TNFRSF6B: variants seen among roughly 807,000 people sequenced by gnomAD.
The protein encoded by TNFRSF6B is TNF receptor superfamily member 6b, also known as tumor necrosis factor receptor superfamily member 6B.
Under a neutral mutation model 17.9 loss-of-function variants are expected in TNFRSF6B, and 23 were observed. That is an observed-to-expected ratio of 1.28 (90% confidence interval 0.92 to 1.82). The LOEUF is 1.82. Ranked by LOEUF, TNFRSF6B falls within the 40% of genes most tolerant of loss-of-function variation. The pLI, the probability that TNFRSF6B is intolerant of heterozygous loss-of-function variation, is 0.00. For missense variants in TNFRSF6B, 555 were observed against 437.2 expected (o/e 1.27, Z -2.40); for synonymous variants, 291 against 195.8 (o/e 1.49, Z -4.06).
At chr20:63,698,255 C>T in intron 2 of TNFRSF6B, 25 bp from the exon 3 acceptor site, 4 of 1,607,052 alleles carry the variant, frequency 2.5e-6, no homozygotes, top group East Asian at 2.3e-5. Flanking sequence ...AATGATCGGA[C>T]CGCTGCCTCC....
rs765591449 is a variant in TNFRSF6B at position 63,696,756 on chromosome 20, C to T, written c.-12C>T. 1.3e-5 allele frequency: 21 copies of T among 1,559,972 alleles called. No individual in the cohort carries two copies. The Admixed American group carries it at 3.7e-4, about 27-fold the overall frequency. On this transcript the variant is annotated 5_prime_UTR_variant, in exon 1 of 3. Coordinates refer to ENST00000369996, the MANE Select transcript of TNFRSF6B (RefSeq NM_003823.4). ...CGCGCTGAGCCGCGCTCTCCCTGCTCCAGCAAGGACCATGAGGGCGCTGGA... is the reference window on the plus strand; with the variant it reads ...CGCGCTGAGCCGCGCTCTCCCTGCTTCAGCAAGGACCATGAGGGCGCTGGA...
In TNFRSF6B at chr20:63,696,878, C is replaced by A; in HGVS notation, c.111C>A (p.Pro37=). The change falls in exon 1 of 3, where the codon CCC becomes CCA. Residue 37 remains proline, a synonymous_variant. Coordinates refer to ENST00000369996, the MANE Select transcript of TNFRSF6B (RefSeq NM_003823.4). ...VRGVAETPTY[P]WRDAETGERL... is the part of the protein sequence containing the mutation. ...GAGTGGCAGAAACACCCACCTACCCCTGGCGGGACGCAGAGACAGGGGAGC... is the reference window on the plus strand; with the variant it reads ...GAGTGGCAGAAACACCCACCTACCCATGGCGGGACGCAGAGACAGGGGAGC... 1 of 1,611,864 alleles carries A rather than the reference C, an allele frequency of 6.2e-7. No individual in the cohort carries two copies. Among genetic ancestry groups the A allele is most frequent in the East Asian group, 2.2e-5 (1 of 44,860 alleles).
At position 63,698,578 on chromosome 20, in the gene TNFRSF6B, T is replaced by TA. The variant is rs1385826424; in HGVS notation, c.*16dup. The TA allele has an allele frequency of 4.1e-6, 6 of 1,474,450 alleles. No individual in the cohort carries two copies. Among genetic ancestry groups the TA allele is most frequent in the Non-Finnish European group, 5.4e-6 (6 of 1,117,262 alleles). 91.3% of individuals were successfully genotyped at this position (1,474,450 alleles called of 1,614,324 possible). A position where few individuals can be genotyped will look rare whatever the true frequency, so the allele number is the denominator to read the frequency against. ...CTGTGCACTGATCCTGGCCCCCTCT[T>TA]ATTTATTCTACATCCTTGGCACCCC... On this transcript the variant is annotated 3_prime_UTR_variant, in exon 3 of 3. Transcript: ENST00000369996.
chr20:63,697,095 A>G lies in TNFRSF6B; in HGVS notation c.328A>G (p.Asn110Asp), dbSNP rs2090997982. The G allele has an allele frequency of 3.1e-6, 5 of 1,600,702 alleles. No homozygotes were observed. Among genetic ancestry groups the G allele is most frequent in the Admixed American group, 1.7e-5 (1 of 59,026 alleles). Residue 110 changes from asparagine (N) to aspartate (D), a missense_variant, in exon 1 of 3, where the codon AAC becomes GAC. By Grantham distance (23) the Asn-to-Asp change is conservative (BLOSUM62 1). Transcript: ENST00000369996. ...GGCACGGGCTTGCCACGCCACCCAC[A>G]ACCGTGCCTGCCGCTGCCGCACCGG... ...EEARACHATH[N>D]RACRCRTGFF...
chr20:63,697,197 AGCTGGGCGAGGG>A lies in TNFRSF6B; in HGVS notation c.424+8_424+19del. On this transcript the variant is annotated splice_region_variant and intron_variant, in intron 1 of 2. Coordinates refer to ENST00000369996, the MANE Select transcript of TNFRSF6B (RefSeq NM_003823.4). The stretch of plus-strand genomic sequence containing the variant: ...TGCCGGCGTGATTGCCCCGGGTGAG[AGCTGGGCGAGGG>A]GAGGGGCCCCCAGGAGTGGTGGCCG... The A allele has an allele frequency of 3.2e-6, 5 of 1,555,578 alleles. No homozygotes were observed. Among genetic ancestry groups the A allele is most frequent in the Non-Finnish European group, 4.4e-6 (5 of 1,148,548 alleles).
At chr20:63,697,222 G>T (rs1366557811) in intron 1 of TNFRSF6B, 31 bp downstream of exon 1, 3 of 1,552,354 alleles carry the variant, frequency 1.9e-6, no homozygotes, top group Non-Finnish European at 2.6e-6. Context: ...GGGGCCCCCA[G>T]GAGTGGTGGC....
intron 1 of TNFRSF6B, 64 bp from the exon 2 acceptor site, chr20:63,697,264 C>A: frequency 6.4e-7 from 1 of 1,558,820 alleles, no homozygotes; most frequent in East Asian, 2.4e-5. Flanking sequence ...GTTGCTGGTC[C>A]CAGCCTTGCA....
Position 63,696,922 on chromosome 20 carries a change from G to A in TNFRSF6B, c.155G>A (p.Cys52Tyr), listed in dbSNP as rs2090993746. The A allele has an allele frequency of 6.8e-6, 11 of 1,610,158 alleles. No individual in the cohort carries two copies. The highest frequency in any genetic ancestry group is 9.3e-6 in the Non-Finnish European group (11 of 1,178,932). ...ETGERLVCAQCPPGTFVQRPC... is the reference protein window; with the variant it reads ...ETGERLVCAQYPPGTFVQRPC... ...GGGGAGCGGCTGGTGTGCGCCCAGT[G>A]CCCCCCAGGCACCTTTGTGCAGCGG... is the stretch of plus-strand genomic sequence containing the variant. Residue 52 changes from cysteine to tyrosine, a missense_variant, in exon 1 of 3, where the codon TGC becomes TAC. Cys to Tyr is a radical substitution (Grantham distance 194). Coordinates refer to ENST00000369996, the MANE Select transcript of TNFRSF6B (RefSeq NM_003823.4).
rs765068318 is a variant in TNFRSF6B at position 63,697,077 on chromosome 20, G to A, written c.310G>A (p.Ala104Thr). The change falls in exon 1 of 3, where the codon GCT (alanine) becomes ACT (threonine). Residue 104 changes from alanine to threonine, a missense_variant. Physicochemically the swap from Ala to Thr is moderately conservative, Grantham distance 58. Transcript: ENST00000369996. ...LCGEREEEAR[A>T]CHATHNRACR... The stretch of plus-strand genomic sequence containing the variant: ...CGGGGAGCGTGAGGAGGAGGCACGG[G>A]CTTGCCACGCCACCCACAACCGTGC... 1 of 1,604,722 alleles carries A rather than the reference G, an allele frequency of 6.2e-7. No homozygotes were observed. The highest frequency in any genetic ancestry group is 1.1e-5 in the South Asian group (1 of 90,638).
Position 63,698,657 on chromosome 20 carries a change from CTTATT to C in TNFRSF6B, c.*97_*101del, listed in dbSNP as rs1310082287. On this transcript the variant is annotated 3_prime_UTR_variant, in exon 3 of 3. Transcript: ENST00000369996. ...ATAGAAGAAATGAGGTTTCTTAAAG[CTTATT>C]TTTATAAAGCTTTTTCATAAAACTG... The C allele has an allele frequency of 4.5e-6, 6 of 1,319,344 alleles. No individual in the cohort carries two copies. The highest frequency in any genetic ancestry group is 5.9e-6 in the Non-Finnish European group (6 of 1,015,506). 81.7% of individuals were successfully genotyped at this position (1,319,344 alleles called of 1,614,324 possible).
At position 63,697,476 on chromosome 20, in the gene TNFRSF6B, C is replaced by T; in HGVS notation, c.573C>T (p.Thr191=). The change falls in exon 2 of 3, where the codon ACC becomes ACT. Residue 191 remains threonine (T), a synonymous_variant. Coordinates refer to ENST00000369996, the MANE Select transcript of TNFRSF6B (RefSeq NM_003823.4). ...TGCCAGGCTCTTCCTCCCATGACAC[C>T]CTGTGCACCAGCTGCACTGGCTTCC... ...LNVPGSSSHD[T]LCTSCTGFPL... The T allele has an allele frequency of 6.3e-7, 1 of 1,577,844 alleles. No individual in the cohort carries two copies. Among genetic ancestry groups the T allele is most frequent in the Non-Finnish European group, 8.6e-7 (1 of 1,162,224 alleles).
chr20:63,696,775 C>T lies in TNFRSF6B; in HGVS notation c.8C>T (p.Ala3Val), dbSNP rs781657376. Reference protein sequence around the residue: MRALEGPGLSLLC... With the variant: MRVLEGPGLSLLC... ...CCTGCTCCAGCAAGGACCATGAGGGCGCTGGAGGGGCCAGGCCTGTCGCTG... is the reference window on the plus strand; with the variant it reads ...CCTGCTCCAGCAAGGACCATGAGGGTGCTGGAGGGGCCAGGCCTGTCGCTG... The change falls in exon 1 of 3, where the codon GCG becomes GTG. Residue 3 changes from alanine (A) to valine (V), a missense_variant. Coordinates refer to ENST00000369996, the MANE Select transcript of TNFRSF6B (RefSeq NM_003823.4). 84 of 1,587,806 alleles carry T rather than the reference C, an allele frequency of 5.3e-5. No homozygotes were observed. Among genetic ancestry groups the T allele is most frequent in the Non-Finnish European group, 6.5e-5 (76 of 1,166,408 alleles).
intron 2 of TNFRSF6B, among the ~76,000 whole-genome samples, chr20:63,697,900 T>G (rs1238715206): frequency 1.3e-5 from 2 of 152,116 alleles, no homozygotes; most frequent in African/African-American, 4.8e-5. Flanking sequence ...CGAGGCCCAA[T>G]GTTAACCACT....
rs758768117 is a variant in TNFRSF6B at position 63,698,572 on chromosome 20, C to T, written c.*9C>T. On this transcript the variant is annotated 3_prime_UTR_variant, in exon 3 of 3. Coordinates refer to ENST00000369996, the MANE Select transcript of TNFRSF6B (RefSeq NM_003823.4). ...TCCTCCCTGTGCACTGATCCTGGCC[C>T]CCTCTTATTTATTCTACATCCTTGG... 6.8e-6 allele frequency: 10 copies of T among 1,480,452 alleles called. No individual in the cohort carries two copies. In the Admixed American group the frequency reaches 1.3e-4, roughly 20 times the overall value. The allele number at this position is 1,480,452 out of a possible 1,614,324, so 91.7% of individuals were successfully genotyped here.
rs781260690 is a variant in TNFRSF6B, at chr20:63,696,979, G to A, written c.212G>A (p.Gly71Asp). ...CGCCGAGACAGCCCCACGACGTGTGGCCCGTGTCCACCGCGCCACTACACG... is the reference window on the plus strand; with the variant it reads ...CGCCGAGACAGCCCCACGACGTGTGACCCGTGTCCACCGCGCCACTACACG... ...PCRRDSPTTC[G>D]PCPPRHYTQF... The change falls in exon 1 of 3, where the codon GGC (glycine) becomes GAC (aspartate). Residue 71 changes from glycine (G) to aspartate (D), a missense_variant. Transcript: ENST00000369996. 5.6e-6 allele frequency: 9 copies of A among 1,609,262 alleles called. No individual in the cohort carries two copies. Among genetic ancestry groups the A allele is most frequent in the African/African-American group, 4.0e-5 (3 of 74,798 alleles).
rs1231926199 is a variant in TNFRSF6B at position 63,697,152 on chromosome 20, C to T, written c.385C>T (p.His129Tyr). Residue 129 changes from histidine to tyrosine, a missense_variant, in exon 1 of 3, where the codon CAC (histidine) becomes TAC (tyrosine). Coordinates refer to ENST00000369996, the MANE Select transcript of TNFRSF6B (RefSeq NM_003823.4). ...CGCGCACGCTGGTTTCTGCTTGGAG[C>T]ACGCATCGTGTCCACCTGGTGCCGG... Reference protein sequence around the residue: ...FFAHAGFCLEHASCPPGAGVI... With the variant: ...FFAHAGFCLEYASCPPGAGVI... 1.9e-6 allele frequency: 3 copies of T among 1,576,506 alleles called. No individual in the cohort carries two copies. The highest frequency in any genetic ancestry group is 2.3e-5 in the South Asian group (2 of 87,418).
chr20:63,697,286 G>A (rs780836606), intron 1 of TNFRSF6B, 42 bp from the exon 2 acceptor site: 6 of 1,586,484 alleles, frequency 3.8e-6, no homozygotes, highest in Non-Finnish European at 5.1e-6. Context: ...CCTGAGCTAG[G>A]ACACCAGTTC....
intron 2 of TNFRSF6B, among the ~76,000 whole-genome samples, chr20:63,697,767 G>C (rs972464566): frequency 1.3e-5 from 2 of 152,170 alleles, no homozygotes; most frequent in Admixed American, 1.3e-4. Context: ...AAAGTGGGCA[G>C]CAATCTCCTA....
At position 63,697,823 on chromosome 20, in the gene TNFRSF6B, G is replaced by A. The variant is rs756581190; in HGVS notation, c.619+301G>A. On this transcript the variant is annotated intron_variant, in intron 2 of 2. Coordinates refer to ENST00000369996, the MANE Select transcript of TNFRSF6B (RefSeq NM_003823.4). ...CTGGCTCCTCTGACACGGGGAAACC[G>A]AGGCCTGATGGTAACTCTCCTAACT... 2.6e-4 allele frequency among the ~76,000 whole-genome samples: 39 copies of A among 152,290 alleles called. No individual in the cohort carries two copies. The Middle Eastern group carries it at 0.01, about 40-fold the overall frequency.
Sources: allele counts gnomAD v4.1 joint callset (sites outside exome capture counted in the v4.1 genomes callset), GRCh38; gene constraint gnomAD v4.1.1; transcripts MANE v1.5; gene names NCBI Gene and HGNC (gene_info 2026-07-23, HGNC 2026-07-21).